SYCP2L: variants seen among roughly 807,000 people sequenced by gnomAD.
SYCP2L encodes the protein synaptonemal complex protein 2-like.
SYCP2L carries 98 observed loss-of-function variants against 125.8 expected under a neutral mutation model. The observed-to-expected ratio is 0.78, with a 90% CI of 0.66 to 0.92. The LOEUF is 0.92. Among genes scored for constraint, SYCP2L ranks in the 40% least tolerant of loss-of-function variants. The pLI, the probability that SYCP2L is intolerant of heterozygous loss-of-function variation, is 0.00. For synonymous variants in SYCP2L, 317 were observed against 325.4 expected (o/e 0.97, Z 0.28); for missense variants, 842 against 936.4 (o/e 0.90, Z 1.32).
rs1780894224 is a variant in SYCP2L at position 10,926,200 on chromosome 6, T to A, written c.1219-139T>A. 3 of 654,700 alleles carry A rather than the reference T, an allele frequency of 4.6e-6. No individual in the cohort carries two copies. In the South Asian group the frequency reaches 5.5e-5, roughly 12 times the overall value. 40.6% of individuals were successfully genotyped at this position (654,700 alleles called of 1,614,324 possible). ...GAAGCCAGAAACAGTGGAATGATCC[T>A]TCAGGAGAGGACAAACTGGTAAACT... is the stretch of plus-strand genomic sequence containing the variant. On this transcript the variant is annotated intron_variant, in intron 15 of 29. Transcript: ENST00000283141.
intron 29 of SYCP2L, among the ~76,000 whole-genome samples, 170 bp from the exon 30 acceptor site, chr6:10,973,782 T>C (rs997251951): frequency 1.1e-4 from 17 of 152,232 alleles, no homozygotes; most frequent in Admixed American, 3.9e-4. Context: ...CCGAGGACAC[T>C]GACATGAGCT....
chr6:10,919,884 G>A (rs1033419955), intron 14 of SYCP2L, among the ~76,000 whole-genome samples: 3 of 152,120 alleles, frequency 2.0e-5, no homozygotes, highest in Non-Finnish European at 4.4e-5. Context: ...GCCTCACCCA[G>A]CTCCCATGCA....
chr6:10,942,362 T>G (rs1781239566), intron 21 of SYCP2L, 97 bp from the exon 22 acceptor site: 2 of 801,418 alleles, frequency 2.5e-6, no homozygotes, highest in Non-Finnish European at 3.8e-6. Context: ...TGTGTTCCTT[T>G]TTTTTGATGA....
chr6:10,970,125 G>T (rs768785766), intron 29 of SYCP2L, among the ~76,000 whole-genome samples: 30 of 152,186 alleles, frequency 2.0e-4, no homozygotes, highest in Non-Finnish European at 3.4e-4. Context: ...GACTCACAGC[G>T]TGGAAGGAGG....
Position 10,928,459 on chromosome 6 carries a change from A to G in SYCP2L, c.1488+9A>G. 1 of 1,583,598 alleles carries G rather than the reference A, an allele frequency of 6.3e-7. No homozygotes were observed. Among genetic ancestry groups the G allele is most frequent in the Non-Finnish European group, 8.6e-7 (1 of 1,166,762 alleles). ...ACTTCCCGCAACAACCTGTGAGTACAGGGAGTGGGGCTCAAGTTTCTTATC... is the reference window on the plus strand; with the variant it reads ...ACTTCCCGCAACAACCTGTGAGTACGGGGAGTGGGGCTCAAGTTTCTTATC... On this transcript the variant is annotated intron_variant, in intron 18 of 29. Coordinates refer to ENST00000283141, the MANE Select transcript of SYCP2L (RefSeq NM_001040274.3).
At chr6:10,922,368 G>A (rs1397767077) in intron 14 of SYCP2L, among the ~76,000 whole-genome samples, 1 of 152,018 alleles carries the variant, frequency 6.6e-6, no homozygotes, top group East Asian at 1.9e-4. Context: ...TATGGAGTTG[G>A]CAGTGTAGTA....
intron 25 of SYCP2L, among the ~76,000 whole-genome samples, chr6:10,957,010 G>A (rs181239128): frequency 6.6e-6 from 1 of 151,910 alleles, no homozygotes; most frequent in Admixed American, 6.5e-5. Flanking sequence ...AAAATTTTTT[G>A]TAGAGATAGG....
intron 14 of SYCP2L, among the ~76,000 whole-genome samples, chr6:10,920,765 T>TA (rs893010309): frequency 1.2e-4 from 18 of 151,892 alleles, no homozygotes; most frequent in Non-Finnish European, 1.2e-4. Flanking sequence ...ACAGGTTTGT[T>TA]ACATACTCTC....
At chr6:10,962,950 G>C (rs1355142271) in intron 28 of SYCP2L, among the ~76,000 whole-genome samples, 1 of 152,044 alleles carries the variant, frequency 6.6e-6, no homozygotes, top group Non-Finnish European at 1.5e-5. Flanking sequence ...AGAACCTTTG[G>C]TTTCTTAGGG....
intron 1 of SYCP2L, among the ~76,000 whole-genome samples, chr6:10,888,915 G>T (rs1019667784): frequency 5.3e-5 from 8 of 152,010 alleles, no homozygotes; most frequent in African/African-American, 1.7e-4. Flanking sequence ...AGGCTGGAGC[G>T]CAGTGGCTGG....
At chr6:10,934,500 G>A (rs181052284) in intron 20 of SYCP2L, among the ~76,000 whole-genome samples, 2 of 152,312 alleles carry the variant, frequency 1.3e-5, no homozygotes, top group East Asian at 1.9e-4. Context: ...CCAACATGGC[G>A]AAACCCCATC....
chr6:10,926,163 G>T (rs73446331), intron 15 of SYCP2L, among the ~76,000 whole-genome samples, 176 bp from the exon 16 acceptor site: 4,467 of 152,328 alleles, frequency 0.029, 228 homozygotes, highest in African/African-American at 0.1. Context: ...CTGTAGGGAG[G>T]TGGGGCCTGG....
At chr6:10,900,358 C>CTT (rs1241224571) in intron 6 of SYCP2L, among the ~76,000 whole-genome samples, 11 of 128,004 alleles carry the variant, frequency 8.6e-5, no homozygotes, top group African/African-American at 2.4e-4. Context: ...CTTTTCTTTT[C>CTT]TTTTTTTTTT....
At position 10,920,279 on chromosome 6, in the gene SYCP2L, G is replaced by A. The variant is rs531698805; in HGVS notation, c.1073-4217G>A. ...GTCACCCAGGCTGGAGTGCAGTGGC[G>A]TGATCTTGGCTCACTGCAACCTCTG... On this transcript the variant is annotated intron_variant, in intron 14 of 29. Transcript: ENST00000283141. Among the ~76,000 whole-genome samples the A allele has an allele frequency of 2.6e-5, 4 of 152,200 alleles. No homozygotes were observed. In the South Asian group the frequency reaches 6.2e-4, roughly 24 times the overall value.
intron 18 of SYCP2L, chr6:10,929,912 C>A: frequency 6.5e-6 from 1 of 153,186 alleles, no homozygotes; most frequent in Non-Finnish European, 1.5e-5. Flanking sequence ...TGCACTCCAG[C>A]CTGGGCGATA....
Position 10,961,286 on chromosome 6 carries a change from C to T in SYCP2L, c.2256-19C>T. 6.3e-7 allele frequency: 1 copy of T among 1,597,582 alleles called. No homozygotes were observed. Among genetic ancestry groups the T allele is most frequent in the Non-Finnish European group, 8.6e-7 (1 of 1,165,582 alleles). On this transcript the variant is annotated intron_variant, in intron 26 of 29. Coordinates refer to ENST00000283141, the MANE Select transcript of SYCP2L (RefSeq NM_001040274.3). The stretch of plus-strand genomic sequence containing the variant: ...ATCCAAGCGATCCCAATGATATTTA[C>T]TGCTTTTATGTTTATTAGACTCAAT...
At chr6:10,887,185 C>T (rs1037424922) in intron 1 of SYCP2L, 50 bp downstream of exon 1, 1 of 1,610,342 alleles carries the variant, frequency 6.2e-7, no homozygotes, top group Admixed American at 1.7e-5. Flanking sequence ...TGCTAGGGCG[C>T]GCGAGGGCGC....
chr6:10,902,702 C>T lies in SYCP2L; in HGVS notation c.492C>T (p.Phe164=). 1 of 1,613,916 alleles carries T rather than the reference C, an allele frequency of 6.2e-7. No individual in the cohort carries two copies. The highest frequency in any genetic ancestry group is 8.5e-7 in the Non-Finnish European group (1 of 1,179,932). ...GGAAAATTCAGATGTTGGATTCCTT[C>T]CTACTTAGCTTAGGATTCCTGGTGA... ...SEGKIQMLDS[F]LLSLGFLVTE... Residue 164 remains phenylalanine, a synonymous_variant, in exon 7 of 30, where the codon TTC becomes TTT. Transcript: ENST00000283141.
In SYCP2L at chr6:10,902,677, G is replaced by A. The variant is rs1182188515; in HGVS notation, c.467G>A (p.Gly156Glu). The part of the protein sequence containing the change: ...ALIISRSSSE[G>E]KIQMLDSFLL... ...TGATGCTTTGAAATTATACTTTCAG[G>A]GAAAATTCAGATGTTGGATTCCTTC... The change falls in exon 7 of 30, where the codon GGG (glycine) becomes GAG (glutamate). Residue 156 changes from glycine to glutamate, a missense_variant and splice_region_variant. Physicochemically the swap from Gly to Glu is moderately conservative, Grantham distance 98 (BLOSUM62 -2). Transcript: ENST00000283141. 6.2e-7 allele frequency: 1 copy of A among 1,612,746 alleles called. No homozygotes were observed. The highest frequency in any genetic ancestry group is 2.2e-5 in the East Asian group (1 of 44,862).
Sources: gnomAD v4.1 joint callset for allele counts (sites outside exome capture counted in the v4.1 genomes callset) on GRCh38, gnomAD v4.1.1 for gene constraint, MANE v1.5 for transcripts, NCBI Gene and HGNC (gene_info 2026-07-23, HGNC 2026-07-21) for gene names.